MALRD1: variants seen among roughly 807,000 people sequenced by gnomAD.
MALRD1 encodes MAM and LDL-receptor class A domain-containing protein 1.
A neutral mutation model predicts 242.1 loss-of-function variants in MALRD1; 247 were observed. The ratio of observed to expected loss-of-function variants is 1.02; its 90% CI spans 0.92 to 1.13. The LOEUF (loss-of-function observed/expected upper bound fraction) is 1.13. Among genes scored for constraint, MALRD1 ranks in the 50% most tolerant of loss-of-function variants. MALRD1 has a pLI of 0.00. For synonymous variants in MALRD1, 995 were observed against 866.6 expected, an observed-to-expected ratio of 1.15 and a Z score of -2.60; for missense variants, 2,989 against 2,533.1, an observed-to-expected ratio of 1.18 and a Z score of -3.86.
At chr10:19,389,668 C>A (rs921908553) in intron 28 of MALRD1, 59 bp downstream of exon 28, 20 of 1,485,900 alleles carry the variant, frequency 1.3e-5, no homozygotes, top group Non-Finnish European at 1.7e-5. Flanking sequence ...GAGACAGGGT[C>A]TTGCTCTGTC....
intron 33 of MALRD1, among the ~76,000 whole-genome samples, chr10:19,568,857 A>T (rs978051029): frequency 1.3e-5 from 2 of 151,990 alleles, no homozygotes; most frequent in African/African-American, 4.8e-5. Flanking sequence ...TTTCACACGA[A>T]TTTGAATAGT....
At chr10:19,357,129 A>G (rs1020718602) in intron 26 of MALRD1, among the ~76,000 whole-genome samples, 1 of 151,776 alleles carries the variant, frequency 6.6e-6, no homozygotes, top group Non-Finnish European at 1.5e-5. Context: ...AATAAAAAAC[A>G]AAACAAAAAA....
At chr10:19,508,303 C>G (rs962913129) in intron 31 of MALRD1, among the ~76,000 whole-genome samples, 1 of 151,866 alleles carries the variant, frequency 6.6e-6, no homozygotes, top group Admixed American at 6.6e-5. Flanking sequence ...AGGAAGAGAT[C>G]TGACACTTAT....
intron 18 of MALRD1, among the ~76,000 whole-genome samples, chr10:19,254,956 A>C (rs1341805117): frequency 6.6e-6 from 1 of 152,036 alleles, no homozygotes; most frequent in Non-Finnish European, 1.5e-5. Flanking sequence ...TATATCATTT[A>C]AAATTTTGGT....
rs1205395106 is a variant in MALRD1, at chr10:19,087,843, A to G, written c.344A>G (p.His115Arg). 5 of 1,230,932 alleles carry G rather than the reference A, an allele frequency of 4.1e-6. No homozygotes were observed. The highest frequency in any genetic ancestry group is 3.2e-5 in the East Asian group (1 of 31,634). 76.3% of individuals were successfully genotyped at this position (1,230,932 alleles called of 1,614,324 possible). A position where few individuals can be genotyped will look rare whatever the true frequency, so the allele number is the denominator to read the frequency against. The stretch of plus-strand genomic sequence containing the variant: ...CCCTGTCTCTTCTTTCTGATAGCTC[A>G]CTTCCTCTCACTGGTTTCCAGAGTG... ...FYDHNGDVSA[H>R]FLSLVSRVDS... is the part of the protein sequence containing the mutation. Residue 115 changes from histidine (H) to arginine (R), a missense_variant, in exon 3 of 40, where the codon CAC (histidine) becomes CGC (arginine). By Grantham distance (29) the His-to-Arg change is conservative. Coordinates refer to ENST00000454679, the MANE Select transcript of MALRD1 (RefSeq NM_001142308.3).
chr10:19,180,733 T>C (rs1449794865), intron 14 of MALRD1, among the ~76,000 whole-genome samples: 1 of 152,074 alleles, frequency 6.6e-6, no homozygotes, highest in East Asian at 1.9e-4. Context: ...TACCTCAAAC[T>C]AAAAGGCTTC....
At chr10:19,484,952 G>A (rs547347498) in intron 29 of MALRD1, among the ~76,000 whole-genome samples, 3 of 151,820 alleles carry the variant, frequency 2.0e-5, no homozygotes, top group African/African-American at 7.3e-5. Context: ...GAGTGGATAA[G>A]GAAAATGTGG....
chr10:19,732,155 TA>T (rs1189807322), intron 39 of MALRD1, among the ~76,000 whole-genome samples: 1 of 152,156 alleles, frequency 6.6e-6, no homozygotes, highest in Non-Finnish European at 1.5e-5. Flanking sequence ...ACTTCATGGA[TA>T]AAAAAACACA....
intron 38 of MALRD1, among the ~76,000 whole-genome samples, chr10:19,725,185 C>A (rs562507653): frequency 6.6e-6 from 1 of 152,092 alleles, no homozygotes; most frequent in Admixed American, 6.6e-5. Flanking sequence ...ATGTCCCCAC[C>A]CAAATCTCAT....
intron 29 of MALRD1, among the ~76,000 whole-genome samples, chr10:19,471,473 G>A (rs1836492481): frequency 6.6e-6 from 1 of 151,728 alleles, no homozygotes; most frequent in Admixed American, 6.6e-5. Flanking sequence ...TGTGGAAAAC[G>A]ACTTAGAATT....
At chr10:19,208,595 A>T (rs1243169218) in intron 17 of MALRD1, among the ~76,000 whole-genome samples, 4 of 152,194 alleles carry the variant, frequency 2.6e-5, no homozygotes, top group Non-Finnish European at 1.5e-5. Context: ...GATTTTGGGA[A>T]TGAGGTCAGG....
At chr10:19,540,973 G>A (rs1050835454) in intron 32 of MALRD1, among the ~76,000 whole-genome samples, 1 of 151,908 alleles carries the variant, frequency 6.6e-6, no homozygotes, top group African/African-American at 2.4e-5. Context: ...TATATTCAGG[G>A]TAAAAAAATG....
chr10:19,627,446 A>C (rs1589327407), intron 36 of MALRD1, among the ~76,000 whole-genome samples: 1 of 152,068 alleles, frequency 6.6e-6, no homozygotes, highest in East Asian at 1.9e-4. Flanking sequence ...CAACAAAAAA[A>C]CAATAACAGG....
At chr10:19,507,488 C>T (rs1359553798) in intron 31 of MALRD1, among the ~76,000 whole-genome samples, 3 of 151,976 alleles carry the variant, frequency 2.0e-5, no homozygotes, top group South Asian at 2.1e-4. Flanking sequence ...GGGAGTTGTA[C>T]ACCAGATAGA....
At chr10:19,590,866 T>A (rs184329437) in intron 33 of MALRD1, among the ~76,000 whole-genome samples, 44 of 152,256 alleles carry the variant, frequency 2.9e-4, no homozygotes, top group African/African-American at 4.8e-4. Flanking sequence ...TTTGTTACAA[T>A]CAGTGAGATG....
intron 19 of MALRD1, among the ~76,000 whole-genome samples, chr10:19,272,514 C>A (rs755692211): frequency 6.6e-6 from 1 of 151,988 alleles, no homozygotes; most frequent in Non-Finnish European, 1.5e-5. Context: ...TAAATTTTAT[C>A]TTTTATTTAT....
intron 26 of MALRD1, among the ~76,000 whole-genome samples, chr10:19,384,786 G>A (rs1231675597): frequency 1.3e-5 from 2 of 148,236 alleles, no homozygotes; most frequent in African/African-American, 2.5e-5. Flanking sequence ...GCTCAGGCTA[G>A]GACTACTAGT....
chr10:19,646,627 T>A (rs1373362061), intron 36 of MALRD1, among the ~76,000 whole-genome samples: 1 of 151,822 alleles, frequency 6.6e-6, no homozygotes, highest in East Asian at 1.9e-4. Flanking sequence ...AAATAATAAG[T>A]TTAAAGTAGG....
chr10:19,232,079 G>A (rs7087788), intron 18 of MALRD1, among the ~76,000 whole-genome samples: 3,860 of 152,008 alleles, frequency 0.025, 158 homozygotes, highest in African/African-American at 0.089. Context: ...GACATAGGGG[G>A]CACTTTGTGT....
Sources: allele counts gnomAD v4.1 joint callset (sites outside exome capture counted in the v4.1 genomes callset), GRCh38; gene constraint gnomAD v4.1.1; transcripts MANE v1.5; gene names NCBI Gene and HGNC (gene_info 2026-07-23, HGNC 2026-07-21).